The following HDAC9 variants were observed in gnomAD, a reference collection of about 807,000 sequenced individuals.
HDAC9 encodes histone deacetylase 9.
Under a neutral mutation model 139.4 loss-of-function variants are expected in HDAC9, and 41 were observed. The ratio of observed to expected loss-of-function variants is 0.29; its 90% CI spans 0.23 to 0.38. The LOEUF (loss-of-function observed/expected upper bound fraction) is 0.38, where lower values mean the gene tolerates loss of function less well. Ranked by LOEUF, HDAC9 falls within the 10% of genes least tolerant of loss-of-function variation. HDAC9 has a pLI of 1.00. For missense variants in HDAC9, 1,147 were observed against 1,297.0 expected, an observed-to-expected ratio of 0.88 and a Z score of 1.78; for synonymous variants, 517 against 476.2, an observed-to-expected ratio of 1.09 and a Z score of -1.12.
chr7:18,238,816 C>A (rs1225500863), intron 2 of HDAC9, among the ~76,000 whole-genome samples: 2 of 152,168 alleles, frequency 1.3e-5, no homozygotes, highest in African/African-American at 4.8e-5. Context: ...TAACTTTTAG[C>A]AGTGGGAGTT....
intron 2 of HDAC9, among the ~76,000 whole-genome samples, chr7:18,239,897 C>T (rs796822726): frequency 1.3e-5 from 2 of 150,020 alleles, no homozygotes; most frequent in African/African-American, 4.9e-5. Flanking sequence ...TAAGAGGTGA[C>T]GTATTTAAAA....
chr7:18,361,116 G>A (rs1230305213), intron 1 of HDAC9, among the ~76,000 whole-genome samples: 4 of 151,982 alleles, frequency 2.6e-5, no homozygotes, highest in Non-Finnish European at 5.9e-5. Flanking sequence ...CCTCCCAGGT[G>A]GTTCTTTGTC....
intron 1 of HDAC9, among the ~76,000 whole-genome samples, chr7:18,141,929 A>G (rs1288421443): frequency 6.6e-6 from 1 of 152,176 alleles, no homozygotes; most frequent in Non-Finnish European, 1.5e-5. Context: ...AAAGGAGGCA[A>G]ATATTGGATT....
chr7:18,760,673 C>T (rs10237404), intron 14 of HDAC9, among the ~76,000 whole-genome samples: 1 of 152,146 alleles, frequency 6.6e-6, no homozygotes, highest in Non-Finnish European at 1.5e-5. Flanking sequence ...TTCAGCACGT[C>T]AAGGCAGTGT....
intron 12 of HDAC9, among the ~76,000 whole-genome samples, chr7:18,683,740 A>G (rs1416287215): frequency 6.6e-6 from 1 of 152,082 alleles, no homozygotes; most frequent in Non-Finnish European, 1.5e-5. Context: ...GCAGAAACCA[A>G]TCTTTACATT....
rs17140226 is a variant in HDAC9 at position 18,886,900 on chromosome 7, A to G, written c.2803+12304A>G. Among the ~76,000 whole-genome samples, 9 of 152,336 alleles carry G rather than the reference A, an allele frequency of 5.9e-5. No individual in the cohort carries two copies. The East Asian group carries it at 1.5e-3, about 26-fold the overall frequency. ...TAACCGTAGATTTTGACCCTTTATT[A>G]TGATGATTGCTATAAGTAAAATAAT... On this transcript the variant is annotated intron_variant, in intron 22 of 25. Coordinates refer to ENST00000686413, the MANE Select transcript of HDAC9 (RefSeq NM_178425.4).
chr7:18,467,405 T>C (rs1212398953), intron 1 of HDAC9, among the ~76,000 whole-genome samples: 2 of 152,164 alleles, frequency 1.3e-5, no homozygotes, highest in Admixed American at 1.3e-4. Context: ...CTCTGCTGCT[T>C]TCTCTGCCTG....
Position 18,727,700 on chromosome 7 carries a change from G to T in HDAC9, c.1852G>T (p.Ala618Ser), listed in dbSNP as rs768858768. Residue 618 changes from alanine (A) to serine (S), a missense_variant, in exon 13 of 26, where the codon GCC becomes TCC. Physicochemically the swap from Ala to Ser is moderately conservative, Grantham distance 99 (BLOSUM62 1). Coordinates refer to ENST00000686413, the MANE Select transcript of HDAC9 (RefSeq NM_178425.4). ...LVSRTHSSPA[A>S]SVLPHPAMDR... ...CTCCAGGACTCACTCTTCCCCTGCT[G>T]CCTCTGTTTTACCTCACCCAGCAAT... The T allele has an allele frequency of 3.8e-6, 6 of 1,581,404 alleles. No homozygotes were observed. In the African/African-American group the frequency reaches 8.3e-5, roughly 22 times the overall value.
At chr7:18,770,440 T>C (rs1174310818) in intron 16 of HDAC9, among the ~76,000 whole-genome samples, 1 of 152,148 alleles carries the variant, frequency 6.6e-6, no homozygotes, top group Non-Finnish European at 1.5e-5. Flanking sequence ...GGTATATCAC[T>C]AAAAATAGTG....
chr7:18,818,471 AAC>A (rs1156376108), intron 17 of HDAC9, among the ~76,000 whole-genome samples: 4 of 152,218 alleles, frequency 2.6e-5, no homozygotes, highest in Non-Finnish European at 5.9e-5. Flanking sequence ...TCAACAAAGA[AAC>A]ACAATCATCT....
chr7:18,459,493 G>T (rs1793646665), intron 1 of HDAC9, among the ~76,000 whole-genome samples: 1 of 151,700 alleles, frequency 6.6e-6, no homozygotes. Context: ...TTTGTCTTCT[G>T]GGGAAGCAAT....
chr7:18,792,958 G>A (rs981992221), intron 16 of HDAC9, among the ~76,000 whole-genome samples: 10 of 152,190 alleles, frequency 6.6e-5, no homozygotes, highest in African/African-American at 2.2e-4. Flanking sequence ...ATAACTAAGT[G>A]CTCTTAGTTT....
intron 2 of HDAC9, among the ~76,000 whole-genome samples, chr7:18,215,193 C>G (rs1478577921): frequency 1.3e-5 from 2 of 152,088 alleles, no homozygotes; most frequent in Non-Finnish European, 2.9e-5. Context: ...TCATATTTCA[C>G]AGAGTTGTAC....
chr7:18,380,113 T>C (rs1313658753), intron 1 of HDAC9, among the ~76,000 whole-genome samples: 1 of 152,234 alleles, frequency 6.6e-6, no homozygotes, highest in African/African-American at 2.4e-5. Flanking sequence ...TATCAAATTT[T>C]ACTTTAAAAG....
At chr7:18,709,306 C>T (rs1784172505) in intron 12 of HDAC9, among the ~76,000 whole-genome samples, 1 of 152,148 alleles carries the variant, frequency 6.6e-6, no homozygotes, top group Non-Finnish European at 1.5e-5. Flanking sequence ...GTTTGGTTTT[C>T]TGTTCCTGTG....
At chr7:18,250,272 C>T (rs1794835729) in intron 2 of HDAC9, among the ~76,000 whole-genome samples, 1 of 152,192 alleles carries the variant, frequency 6.6e-6, no homozygotes, top group African/African-American at 2.4e-5. Context: ...TATTTTGCCC[C>T]TCACAGAAAT....
At chr7:18,781,349 C>G (rs1309712319) in intron 16 of HDAC9, among the ~76,000 whole-genome samples, 1 of 152,012 alleles carries the variant, frequency 6.6e-6, no homozygotes, top group Non-Finnish European at 1.5e-5. Flanking sequence ...ATCTCATCAA[C>G]TATATAACTT....
At chr7:18,613,305 C>G (rs1400552208) in intron 6 of HDAC9, among the ~76,000 whole-genome samples, 2 of 151,674 alleles carry the variant, frequency 1.3e-5, no homozygotes, top group Non-Finnish European at 2.9e-5. Flanking sequence ...ACAGTTGTCC[C>G]TTTTAATTTT....
chr7:18,940,853 A>G (rs1245402788), intron 23 of HDAC9, among the ~76,000 whole-genome samples: 1 of 152,160 alleles, frequency 6.6e-6, no homozygotes, highest in Non-Finnish European at 1.5e-5. Context: ...TATGGAATCT[A>G]AAACAAAAAC....
Sources: allele counts gnomAD v4.1 joint callset (sites outside exome capture counted in the v4.1 genomes callset), GRCh38; gene constraint gnomAD v4.1.1; transcripts MANE v1.5; gene names NCBI Gene and HGNC (gene_info 2026-07-23, HGNC 2026-07-21).